Variants in SCML2 observed in about 807,000 individuals in gnomAD.
SCML2 encodes the protein Scm polycomb group protein like 2.
In SCML2, 6 loss-of-function variants were observed where a neutral mutation model predicts 48.4. The ratio of observed to expected loss-of-function variants is 0.12; its 90% CI spans 0.07 to 0.24. The LOEUF (loss-of-function observed/expected upper bound fraction) is 0.24, where lower values mean the gene tolerates loss of function less well. Ranked by LOEUF, SCML2 falls within the 10% of genes least tolerant of loss-of-function variation. The pLI, the probability that SCML2 is intolerant of heterozygous loss-of-function variation, is 1.00. For synonymous variants in SCML2, 181 were observed against 189.5 expected, an observed-to-expected ratio of 0.95 and a Z score of 0.37; for missense variants, 377 against 528.2, an observed-to-expected ratio of 0.71 and a Z score of 2.81.
chrX:18,329,336 G>A (rs747463855), intron 3 of SCML2, among the ~76,000 whole-genome samples: 41 of 111,131 alleles, frequency 3.7e-4, no homozygotes, highest in Non-Finnish European at 6.8e-4. Context: ...GGAGCACTGA[G>A]GGCCCAGCTA....
intron 7 of SCML2, among the ~76,000 whole-genome samples, chrX:18,299,911 T>C (rs1364444777): frequency 9.1e-6 from 1 of 109,902 alleles, no homozygotes; most frequent in African/African-American, 3.3e-5. Context: ...TTTTACCTTT[T>C]TATTTTTTTG....
At chrX:18,311,820 C>T (rs1005056632) in intron 6 of SCML2, among the ~76,000 whole-genome samples, 3 of 110,972 alleles carry the variant, frequency 2.7e-5, no homozygotes, top group Non-Finnish European at 5.7e-5. Context: ...GACGGAGTCT[C>T]ACTCTTGTTG....
At chrX:18,344,849 G>A (rs1930148226) in intron 1 of SCML2, among the ~76,000 whole-genome samples, 1 of 110,999 alleles carries the variant, frequency 9.0e-6, no homozygotes. Flanking sequence ...TAGACAAAAC[G>A]GATCCATGAG....
chrX:18,251,029 C>A (rs1202917751), intron 11 of SCML2, among the ~76,000 whole-genome samples: 1 of 110,304 alleles, frequency 9.1e-6, no homozygotes, highest in Non-Finnish European at 1.9e-5. Flanking sequence ...AGGGTAACTG[C>A]CCCCATGATT....
intron 3 of SCML2, among the ~76,000 whole-genome samples, chrX:18,329,623 T>C (rs1009166010): frequency 1.8e-5 from 2 of 112,877 alleles, no homozygotes; most frequent in Non-Finnish European, 3.7e-5. Flanking sequence ...TGCAATATTA[T>C]ACATGTACTG....
At chrX:18,243,317 C>T (rs1400928468) in intron 13 of SCML2, among the ~76,000 whole-genome samples, 1 of 111,808 alleles carries the variant, frequency 8.9e-6, no homozygotes, top group Non-Finnish European at 1.9e-5. Context: ...AAGCAATCTG[C>T]CCACCTCAGG....
chrX:18,325,300 C>T (rs1252720936), intron 3 of SCML2, among the ~76,000 whole-genome samples: 1 of 111,784 alleles, frequency 8.9e-6, no homozygotes, highest in African/African-American at 3.2e-5. Flanking sequence ...AGAGTAATAG[C>T]GAAGTCTACC....
chrX:18,291,672 T>C (rs1199329733), intron 7 of SCML2, among the ~76,000 whole-genome samples: 1 of 111,553 alleles, frequency 9.0e-6, no homozygotes, highest in African/African-American at 3.2e-5. Flanking sequence ...AAAGCTGTTA[T>C]ATAAAAGTTG....
chrX:18,269,081 A>T (rs1462007210), intron 7 of SCML2, among the ~76,000 whole-genome samples: 1 of 112,323 alleles, frequency 8.9e-6, no homozygotes, highest in African/African-American at 3.2e-5. Flanking sequence ...TTTCCTTATT[A>T]TTCCATTTCC....
intron 7 of SCML2, among the ~76,000 whole-genome samples, chrX:18,301,255 G>A (rs1268632323): frequency 1.8e-5 from 2 of 110,661 alleles, no homozygotes; most frequent in Non-Finnish European, 3.8e-5. Flanking sequence ...AAAATTAACT[G>A]AGCGTGATGG....
chrX:18,341,896 T>G (rs1295293105), intron 1 of SCML2, among the ~76,000 whole-genome samples: 2 of 112,381 alleles, frequency 1.8e-5, no homozygotes, highest in African/African-American at 3.2e-5. Flanking sequence ...GGATGGAGAT[T>G]ATAGATGTAA....
chrX:18,298,101 G>A (rs1442941737), intron 7 of SCML2, among the ~76,000 whole-genome samples: 2 of 111,120 alleles, frequency 1.8e-5, no homozygotes, highest in African/African-American at 6.5e-5. Context: ...ACAAAACGCT[G>A]ATGAAAAAAA....
At chrX:18,283,037 G>A (rs147855671) in intron 7 of SCML2, among the ~76,000 whole-genome samples, 1,509 of 111,238 alleles carry the variant, frequency 0.014, 21 homozygotes, top group African/African-American at 0.046. Flanking sequence ...GAATACAGAG[G>A]CAAATATCCT....
At chrX:18,352,541 T>C (rs1930407227) in intron 1 of SCML2, among the ~76,000 whole-genome samples, 1 of 112,348 alleles carries the variant, frequency 8.9e-6, no homozygotes, top group Non-Finnish European at 1.9e-5. Flanking sequence ...ATACTTGTTC[T>C]ACATTCGTAT....
At chrX:18,348,449 T>C (rs1304565949) in intron 1 of SCML2, among the ~76,000 whole-genome samples, 1 of 111,832 alleles carries the variant, frequency 8.9e-6, no homozygotes, top group African/African-American at 3.2e-5. Flanking sequence ...CTAAACATCC[T>C]TGAAAATACC....
chrX:18,289,740 T>C (rs1392769371), intron 7 of SCML2, among the ~76,000 whole-genome samples: 1 of 111,931 alleles, frequency 8.9e-6, no homozygotes, highest in African/African-American at 3.2e-5. Context: ...TTAAAAGCTA[T>C]AAAATCTTAA....
At chrX:18,335,102 T>C (rs188743630) in intron 1 of SCML2, among the ~76,000 whole-genome samples, 44 of 111,245 alleles carry the variant, frequency 4.0e-4, no homozygotes, top group East Asian at 3.1e-3. Flanking sequence ...GTAAAATATA[T>C]ACGGGGTGTT....
At chrX:18,331,737 G>T (rs1929667315) in intron 2 of SCML2, among the ~76,000 whole-genome samples, 1 of 111,581 alleles carries the variant, frequency 9.0e-6, no homozygotes, top group African/African-American at 3.3e-5. Flanking sequence ...TTGATCTACA[G>T]GTGTCTTCCT....
chrX:18,247,252 G>A (rs1333189754), intron 12 of SCML2, among the ~76,000 whole-genome samples: 2 of 111,252 alleles, frequency 1.8e-5, no homozygotes, highest in African/African-American at 6.5e-5. Context: ...CCGACTTGGC[G>A]TTCCTTGGCA....
Sources: allele counts gnomAD v4.1 joint callset (sites outside exome capture counted in the v4.1 genomes callset), GRCh38; gene constraint gnomAD v4.1.1; transcripts MANE v1.5; gene names NCBI Gene and HGNC (gene_info 2026-07-23, HGNC 2026-07-21).